EML6: variants seen among roughly 807,000 people sequenced by gnomAD.
EML6 encodes the protein echinoderm microtubule-associated protein-like 6.
EML6 carries 154 observed loss-of-function variants against 240.1 expected under a neutral mutation model. That is an observed-to-expected ratio of 0.64 (90% CI 0.56 to 0.73). The LOEUF is 0.73. Ranked by LOEUF, EML6 falls within the 30% of genes least tolerant of loss-of-function variation. The pLI is 0.00. For missense variants in EML6, 2,964 were observed against 2,474.6 expected (o/e 1.20, Z -4.20); for synonymous variants, 1,148 against 899.0 (o/e 1.28, Z -4.95).
chr2:54,745,480 CA>C (rs1683872160), intron 2 of EML6, among the ~76,000 whole-genome samples: 1 of 152,102 alleles, frequency 6.6e-6, no homozygotes, highest in Admixed American at 6.5e-5. Context: ...TGAAAAGGCA[CA>C]AGACCTTAAG....
chr2:54,791,250 G>T (rs1669434881), intron 2 of EML6, among the ~76,000 whole-genome samples: 1 of 152,216 alleles, frequency 6.6e-6, no homozygotes, highest in African/African-American at 2.4e-5. Flanking sequence ...ATCGGGAAGT[G>T]ACGGCACAGT....
intron 8 of EML6, among the ~76,000 whole-genome samples, chr2:54,845,456 C>A (rs868313431): frequency 6.6e-6 from 1 of 152,176 alleles, no homozygotes; most frequent in Admixed American, 6.5e-5. Flanking sequence ...CTTGAGGAGC[C>A]CTGACTGCCA....
chr2:54,838,341 T>A (rs924407341), intron 7 of EML6, among the ~76,000 whole-genome samples: 7 of 152,158 alleles, frequency 4.6e-5, no homozygotes, highest in African/African-American at 1.7e-4. Flanking sequence ...AGACACTGGG[T>A]CATGTGTTGT....
chr2:54,797,164 C>CAAAAAAAAAAAAAAAAA lies in EML6; in HGVS notation c.198-16059_198-16043dup, dbSNP rs773498648. The stretch of plus-strand genomic sequence containing the variant: ...TGGGTGACAGAGCAAGACTCCATCT[C>CAAAAAAAAAAAAAAAAA]AAAAAAAAAAAAAAAAAAAAAAAAA... On this transcript the variant is annotated intron_variant, in intron 2 of 41. Coordinates refer to ENST00000356458, the MANE Select transcript of EML6 (RefSeq NM_001039753.4). 1.8e-3 allele frequency among the ~76,000 whole-genome samples: 79 copies of CAAAAAAAAAAAAAAAAA among 43,824 alleles called. 8 individuals are homozygous for CAAAAAAAAAAAAAAAAA. Among genetic ancestry groups the CAAAAAAAAAAAAAAAAA allele is most frequent in the East Asian group, 0.012 (13 of 1,094 alleles). 28.8% of individuals were successfully genotyped at this position (43,824 alleles called of 152,430 possible).
rs77234003 is a variant in EML6, at chr2:54,824,073, A to G, written c.526-3493A>G. On this transcript the variant is annotated intron_variant, in intron 5 of 41. Coordinates refer to ENST00000356458, the MANE Select transcript of EML6 (RefSeq NM_001039753.4). ...CCTATAGAGCTCTTTACACTGAGAA[A>G]TTTCTTTAGTGAACTACCTTGCCTT... 4.8e-3 allele frequency among the ~76,000 whole-genome samples: 725 copies of G among 152,170 alleles called. 5 individuals carry two copies. Among genetic ancestry groups the G allele is most frequent in the African/African-American group, 0.017 (692 of 41,516 alleles).
intron 11 of EML6, among the ~76,000 whole-genome samples, chr2:54,858,729 T>C (rs1279264289): frequency 6.6e-6 from 1 of 152,204 alleles, no homozygotes; most frequent in Non-Finnish European, 1.5e-5. Context: ...ATTTTCACCT[T>C]CTTACAAATC....
At position 54,744,939 on chromosome 2, in the gene EML6, CA is replaced by C. The variant is rs1558520974; in HGVS notation, c.197+19682del. Among the ~76,000 whole-genome samples, 150 of 151,036 alleles carry C rather than the reference CA, an allele frequency of 9.9e-4. 1 individual carries two copies. In the East Asian group the frequency reaches 0.025, roughly 25 times the overall value. ...ACACACACACACACACACACACACACACACACACACACACACACACACACCC... is the reference window on the plus strand; with the variant it reads ...ACACACACACACACACACACACACACCACACACACACACACACACACACCC... On this transcript the variant is annotated intron_variant, in intron 2 of 41. Transcript: ENST00000356458.
rs895912167 is a variant in EML6, at chr2:54,847,631, C to T, written c.1187+8C>T. 3.2e-6 allele frequency: 5 copies of T among 1,551,766 alleles called. No individual in the cohort carries two copies. Among genetic ancestry groups the T allele is most frequent in the Non-Finnish European group, 4.4e-6 (5 of 1,146,772 alleles). On this transcript the variant is annotated splice_region_variant and intron_variant, in intron 9 of 41. Transcript: ENST00000356458. ...CATTGTTCTCCGAGTCAGGCACGTA[C>T]TGATGTTGAAAATGGTATTTAGAAA... is the stretch of plus-strand genomic sequence containing the variant.
chr2:54,794,754 G>A (rs165053), intron 2 of EML6, among the ~76,000 whole-genome samples: 87,173 of 152,086 alleles, frequency 0.57, 25,190 homozygotes, highest in Admixed American at 0.65. Context: ...CAAGTGTTCA[G>A]CTTACAAAAA....
In EML6 at chr2:54,968,194, A is replaced by G. The variant is rs11684017; in HGVS notation, c.5664A>G (p.Ala1888=). The part of the protein sequence containing the change: ...RNADKADVNC[A]CVTHAGLNIV... ...CAGACAAGGCTGATGTCAACTGCGC[A>G]TGTGTGACCCACGCTGGCCTGAACA... The change falls in exon 40 of 42, where the codon GCA becomes GCG. Residue 1888 remains alanine, a synonymous_variant. Coordinates refer to ENST00000356458, the MANE Select transcript of EML6 (RefSeq NM_001039753.4). 0.02 allele frequency: 30,781 copies of G among 1,551,640 alleles called. 364 individuals carry two copies. The highest frequency in any genetic ancestry group is 0.023 in the Non-Finnish European group (26,369 of 1,146,926).
rs2104357428 is a variant in EML6 at position 54,725,714 on chromosome 2, A to G, written c.197+456A>G. 6.6e-6 allele frequency among the ~76,000 whole-genome samples: 1 copy of G among 152,360 alleles called. No individual in the cohort carries two copies. Among genetic ancestry groups the G allele is most frequent in the African/African-American group, 2.4e-5 (1 of 41,586 alleles). ...TCTAAAAGAAATTTTACTACTGGTA[A>G]TTTGGAATCTTCATCTCAGATGCTT... is the stretch of plus-strand genomic sequence containing the variant. On this transcript the variant is annotated intron_variant, in intron 2 of 41. Transcript: ENST00000356458. The surrounding 1 kb of genome is among the most constrained non-coding windows in gnomAD (Gnocchi z 4.3).
intron 10 of EML6, among the ~76,000 whole-genome samples, chr2:54,850,894 A>G (rs1485666754): frequency 6.6e-6 from 1 of 152,260 alleles, no homozygotes; most frequent in African/African-American, 2.4e-5. Flanking sequence ...AGCTACTTGC[A>G]TCAGTAGGGA....
At chr2:54,759,932 A>C (rs1285188461) in intron 2 of EML6, among the ~76,000 whole-genome samples, 2 of 150,934 alleles carry the variant, frequency 1.3e-5, no homozygotes, top group East Asian at 3.9e-4. Context: ...TTTAATGATT[A>C]AGTGTAGGTG....
chr2:54,913,079 T>TTG (rs1673728109), intron 25 of EML6, among the ~76,000 whole-genome samples: 1 of 151,490 alleles, frequency 6.6e-6, no homozygotes, highest in African/African-American at 2.4e-5. Flanking sequence ...CTGTTTTTTT[T>TTG]TTTTTTTTTT....
intron 7 of EML6, among the ~76,000 whole-genome samples, chr2:54,837,994 G>A (rs1669241439): frequency 6.6e-6 from 1 of 152,128 alleles, no homozygotes; most frequent in Non-Finnish European, 1.5e-5. Flanking sequence ...CCAAATAATT[G>A]GGAGAAAAGG....
intron 2 of EML6, among the ~76,000 whole-genome samples, chr2:54,772,756 G>C (rs1668450700): frequency 6.6e-6 from 1 of 152,228 alleles, no homozygotes; most frequent in South Asian, 2.1e-4. Context: ...ACCCAGGTCT[G>C]TTCCTCTGCA....
At chr2:54,827,505 C>A in intron 5 of EML6, 61 bp from the exon 6 acceptor site, 1 of 1,347,642 alleles carries the variant, frequency 7.4e-7, no homozygotes, top group Non-Finnish European at 1.0e-6. Context: ...TATAAATAAA[C>A]ACCAATGCAA....
At chr2:54,789,952 G>T (rs1256947451) in intron 2 of EML6, among the ~76,000 whole-genome samples, 1 of 152,142 alleles carries the variant, frequency 6.6e-6, no homozygotes, top group African/African-American at 2.4e-5. Flanking sequence ...TGAGCTTCAT[G>T]GTATGTGTGT....
chr2:54,904,192 G>A (rs1194512012), intron 24 of EML6, among the ~76,000 whole-genome samples: 3 of 152,162 alleles, frequency 2.0e-5, no homozygotes, highest in African/African-American at 7.2e-5. Context: ...CACAAAATGG[G>A]TACCGTGTGA....
Sources: allele counts gnomAD v4.1 joint callset (sites outside exome capture counted in the v4.1 genomes callset), GRCh38; gene constraint gnomAD v4.1.1; non-coding constraint Gnocchi (gnomAD v3.1); transcripts MANE v1.5; gene names NCBI Gene and HGNC (gene_info 2026-07-23, HGNC 2026-07-21).